BTNL8: variants seen among roughly 807,000 people sequenced by gnomAD.
The protein encoded by BTNL8 is butyrophilin-like protein 8.
BTNL8 carries 22 observed loss-of-function variants against 36.1 expected under a neutral mutation model. That is an observed-to-expected ratio of 0.61 (90% CI 0.44 to 0.87). The LOEUF (loss-of-function observed/expected upper bound fraction) is 0.87. Ranked by LOEUF, BTNL8 falls within the 40% of genes least tolerant of loss-of-function variation. BTNL8 has a pLI of 0.00. For synonymous variants in BTNL8, 203 were observed against 235.6 expected (o/e 0.86, Z 1.27); for missense variants, 526 against 616.9 (o/e 0.85, Z 1.56).
Position 180,935,211 on chromosome 5 carries a change from C to A in BTNL8, c.674-12301C>A, listed in dbSNP as rs1179572882. On this transcript the variant is annotated intron_variant, in intron 3 of 7. Transcript: ENST00000340184. This position sits in a 1 kb window ranked among gnomAD's most constrained non-coding sequence, Gnocchi z 4.8. ...TCCAGGCAGTGGACTCCACCCGGAA[C>A]TGGCAGCCCAGCCCCCAGGCTTCAG... Among the ~76,000 whole-genome samples, 1 of 152,172 alleles carries A rather than the reference C, an allele frequency of 6.6e-6. No homozygotes were observed. Among genetic ancestry groups the A allele is most frequent in the Non-Finnish European group, 1.5e-5 (1 of 68,022 alleles).
At position 180,918,814 on chromosome 5, in the gene BTNL8, G is replaced by T. The variant is rs542200587; in HGVS notation, c.673+7200G>T. On this transcript the variant is annotated intron_variant, in intron 3 of 7. Transcript: ENST00000340184. ...TTAGAAGATTTTCTGGTTGGCAAAT[G>T]GTTGTGAGTTATCTAAAAGACCTGG... Among the ~76,000 whole-genome samples, 16 of 152,304 alleles carry T rather than the reference G, an allele frequency of 1.1e-4. 1 individual carries two copies. In the South Asian group the frequency reaches 3.1e-3, roughly 30 times the overall value.
Position 180,941,784 on chromosome 5 carries a change from A to G in BTNL8, c.674-5728A>G, listed in dbSNP as rs137899444. ...AAACTCTCAACAGTTTAGATGTAGA[A>G]GAAATGTACCTCAACACAATCAAGG... On this transcript the variant is annotated intron_variant, in intron 3 of 7. Coordinates refer to ENST00000340184, the MANE Select transcript of BTNL8 (RefSeq NM_001040462.3). 8.8e-3 allele frequency among the ~76,000 whole-genome samples: 1,332 copies of G among 152,198 alleles called. 25 individuals are homozygous for G. Among genetic ancestry groups the G allele is most frequent in the African/African-American group, 0.03 (1,249 of 41,498 alleles).
intron 3 of BTNL8, among the ~76,000 whole-genome samples, chr5:180,927,104 G>A (rs946215445): frequency 6.6e-6 from 1 of 152,102 alleles, no homozygotes; most frequent in Admixed American, 6.5e-5. Flanking sequence ...TGCCCCCCTG[G>A]GACGAACCTT....
At chr5:180,940,938 T>A (rs1246688256) in intron 3 of BTNL8, among the ~76,000 whole-genome samples, 2 of 151,596 alleles carry the variant, frequency 1.3e-5, no homozygotes, top group Non-Finnish European at 2.9e-5. Context: ...AAAAAACCCA[T>A]AAAAATTAGC....
At chr5:180,901,133 T>C (rs989824) in intron 1 of BTNL8, among the ~76,000 whole-genome samples, 58,920 of 152,110 alleles carry the variant, frequency 0.39, 13,035 homozygotes, top group African/African-American at 0.61. Flanking sequence ...TGCAAAGTCA[T>C]GCCTCATTTA....
At chr5:180,912,406 A>G (rs1232953297) in intron 3 of BTNL8, among the ~76,000 whole-genome samples, 1 of 143,392 alleles carries the variant, frequency 7.0e-6, no homozygotes, top group African/African-American at 2.8e-5. Context: ...TTCTCTCTCA[A>G]ATATATAGAA....
intron 3 of BTNL8, chr5:180,945,763 AC>A: frequency 2.0e-6 from 1 of 503,542 alleles, no homozygotes; most frequent in South Asian, 1.5e-5. Context: ...AAGATGGGTC[AC>A]CAGCAGCTGT....
chr5:180,908,721 G>C lies in BTNL8; in HGVS notation c.185G>C (p.Ser62Thr). The change falls in exon 2 of 8, where the codon AGC (serine) becomes ACC (threonine). Residue 62 changes from serine (S) to threonine (T), a missense_variant. Ser to Thr is a moderately conservative substitution (Grantham distance 58). This residue lies in a region of BTNL8 where 350 missense variants were observed against 324.6 expected (regional missense o/e 1.08). Transcript: ENST00000340184. Reference protein sequence around the residue: ...EVRFFRGQFSSVVHLYRDGKD... With the variant: ...EVRFFRGQFSTVVHLYRDGKD... ...CGGTTCTTCAGGGGCCAGTTCTCTA[G>C]CGTGGTCCACCTCTACAGGGACGGG... 6.2e-7 allele frequency: 1 copy of C among 1,614,216 alleles called. No individual in the cohort carries two copies. Among genetic ancestry groups the C allele is most frequent in the Non-Finnish European group, 8.5e-7 (1 of 1,180,038 alleles).
chr5:180,902,261 T>C (rs1408425386), intron 1 of BTNL8: 33 of 1,259,418 alleles, frequency 2.6e-5, no homozygotes, highest in Non-Finnish European at 3.5e-5. Context: ...TCAAAGGGTC[T>C]ACATTCAGAA....
chr5:180,949,790 G>A (rs1759459363), intron 7 of BTNL8, 114 bp from the exon 8 acceptor site: 1 of 1,299,312 alleles, frequency 7.7e-7, no homozygotes, highest in African/African-American at 1.4e-5. Flanking sequence ...CTCAGGTCCG[G>A]GGCCTCACCT....
intron 2 of BTNL8, 72 bp from the exon 3 acceptor site, chr5:180,911,267 G>A: frequency 1.3e-6 from 2 of 1,575,306 alleles, no homozygotes; most frequent in East Asian, 2.2e-5. Context: ...TGGACTGAAT[G>A]CACCTGACTC....
At chr5:180,908,978 T>G (rs1757254659) in intron 2 of BTNL8, 45 bp downstream of exon 2, 4 of 1,536,412 alleles carry the variant, frequency 2.6e-6, no homozygotes, top group Non-Finnish European at 3.5e-6. Flanking sequence ...AGAACCATCC[T>G]GGACTTTATA....
intron 3 of BTNL8, among the ~76,000 whole-genome samples, chr5:180,941,839 A>G (rs939659074): frequency 1.7e-5 from 2 of 117,408 alleles, no homozygotes; most frequent in Non-Finnish European, 3.6e-5. Flanking sequence ...AGCTAACATC[A>G]TACAGAATGG....
intron 4 of BTNL8, chr5:180,948,002 C>T: frequency 1.5e-6 from 1 of 678,724 alleles, no homozygotes; most frequent in Non-Finnish European, 2.4e-6. Flanking sequence ...TATTCAGTCT[C>T]AATAAGACTT....
rs1418097141 is a variant in BTNL8 at position 180,911,409 on chromosome 5, C to T, written c.468C>T (p.Ser156=). 6.2e-7 allele frequency: 1 copy of T among 1,614,082 alleles called. No individual in the cohort carries two copies. Among genetic ancestry groups the T allele is most frequent in the East Asian group, 2.2e-5 (1 of 44,902 alleles). The change falls in exon 3 of 8, where the codon TCC becomes TCT. Residue 156 remains serine (S), a synonymous_variant. Coordinates refer to ENST00000340184, the MANE Select transcript of BTNL8 (RefSeq NM_001040462.3). ...GAGACATCCAGCTACTCTGTCAGTC[C>T]TCGGGCTGGTTCCCCCGGCCCACAG... ...VDRDIQLLCQ[S]SGWFPRPTAK... is the part of the protein sequence containing the mutation.
chr5:180,931,427 AGCAAGG>A (rs1758373200), intron 3 of BTNL8, among the ~76,000 whole-genome samples: 1 of 152,238 alleles, frequency 6.6e-6, no homozygotes, highest in South Asian at 2.1e-4. Flanking sequence ...AAACACTAAA[AGCAAGG>A]GCAACAAAAG....
chr5:180,914,707 A>G (rs1286620970), intron 3 of BTNL8, among the ~76,000 whole-genome samples: 1 of 152,216 alleles, frequency 6.6e-6, no homozygotes, highest in African/African-American at 2.4e-5. Context: ...GGATGGTGAA[A>G]TGGAGTTTTC....
Position 180,950,721 on chromosome 5 carries a change from G to C in BTNL8, c.*177G>C, listed in dbSNP as rs1392200892. On this transcript the variant is annotated 3_prime_UTR_variant, in exon 8 of 8. Transcript: ENST00000340184. ...GGGAAGAAGGCTGACATTACATTTA[G>C]TTTGCTCTCACTCCATCTGGCTAAG... 2 of 674,286 alleles carry C rather than the reference G, an allele frequency of 3.0e-6. 1 individual carries two copies. The highest frequency in any genetic ancestry group is 3.6e-5 in the African/African-American group (2 of 55,690). 41.8% of individuals were successfully genotyped at this position (674,286 alleles called of 1,614,324 possible). A position where few individuals can be genotyped will look rare whatever the true frequency, so the allele number is the denominator to read the frequency against.
chr5:180,902,404 G>A (rs1157142024), intron 1 of BTNL8: 8 of 1,550,186 alleles, frequency 5.2e-6, no homozygotes, highest in Non-Finnish European at 7.0e-6. Flanking sequence ...AATGTAAGGA[G>A]ATACACAAAT....
Sources: gnomAD v4.1 joint callset for allele counts (sites outside exome capture counted in the v4.1 genomes callset) on GRCh38, gnomAD v4.1.1 for gene constraint, gnomAD v4.1.1 regional missense constraint, Gnocchi (gnomAD v3.1) non-coding constraint, MANE v1.5 for transcripts, NCBI Gene and HGNC (gene_info 2026-07-23, HGNC 2026-07-21) for gene names.